Variants in IGSF11 observed in about 807,000 individuals in gnomAD.
IGSF11 encodes the protein immunoglobulin superfamily member 11, also known as CXADR like 1.
In IGSF11, 22 loss-of-function variants were observed where a neutral mutation model predicts 41.0. The ratio of observed to expected loss-of-function variants is 0.54; its 90% confidence interval spans 0.38 to 0.77. The LOEUF (loss-of-function observed/expected upper bound fraction) is 0.77, where lower values mean the gene tolerates loss of function less well. Ranked by LOEUF, IGSF11 falls within the 30% of genes least tolerant of loss-of-function variation. The pLI is 0.00. For missense variants in IGSF11, 444 were observed against 530.8 expected, an observed-to-expected ratio of 0.84 and a Z score of 1.61; for synonymous variants, 219 against 201.3, an observed-to-expected ratio of 1.09 and a Z score of -0.74.
intron 1 of IGSF11, among the ~76,000 whole-genome samples, chr3:119,114,043 G>A (rs564763690): frequency 4.3e-4 from 66 of 152,336 alleles, no homozygotes; most frequent in Non-Finnish European, 5.4e-4. Flanking sequence ...GATGCAAGGA[G>A]CAGTGTCCTG....
At chr3:119,071,544 A>T (rs964942997) in intron 1 of IGSF11, among the ~76,000 whole-genome samples, 2 of 152,270 alleles carry the variant, frequency 1.3e-5, no homozygotes, top group Admixed American at 6.5e-5. Context: ...TAACATTTGG[A>T]TATATAGTTG....
intron 1 of IGSF11, among the ~76,000 whole-genome samples, chr3:119,029,614 GA>G (rs1173382156): frequency 6.6e-6 from 1 of 152,060 alleles, no homozygotes; most frequent in Non-Finnish European, 1.5e-5. Flanking sequence ...CAAGTAAAAA[GA>G]AAAAAGAATC....
At chr3:118,996,700 C>T (rs1022153086) in intron 1 of IGSF11, among the ~76,000 whole-genome samples, 18 of 151,948 alleles carry the variant, frequency 1.2e-4, no homozygotes, top group African/African-American at 3.9e-4. Flanking sequence ...CCCGGGTTCA[C>T]GACATTCTCC....
intron 4 of IGSF11, among the ~76,000 whole-genome samples, chr3:118,924,964 T>A (rs1422926670): frequency 2.6e-5 from 4 of 152,202 alleles, no homozygotes; most frequent in Admixed American, 2.6e-4. Context: ...TCACTTACAA[T>A]GGTGAGATTG....
At chr3:118,970,279 A>G (rs1933237787) in intron 1 of IGSF11, among the ~76,000 whole-genome samples, 1 of 152,188 alleles carries the variant, frequency 6.6e-6, no homozygotes, top group Non-Finnish European at 1.5e-5. Flanking sequence ...AATAATTCCT[A>G]TTTCCAAACA....
intron 1 of IGSF11, among the ~76,000 whole-genome samples, chr3:119,077,197 T>C (rs913419940): frequency 1.3e-5 from 2 of 151,348 alleles, no homozygotes; most frequent in African/African-American, 4.9e-5. Context: ...ATGTTCTCAC[T>C]CATAGGTGGG....
intron 1 of IGSF11, among the ~76,000 whole-genome samples, chr3:118,974,405 C>T (rs543418987): frequency 3.2e-4 from 48 of 152,276 alleles, no homozygotes; most frequent in African/African-American, 1.2e-3. Flanking sequence ...CAATGAGAAT[C>T]ATCACTAATG....
intron 1 of IGSF11, among the ~76,000 whole-genome samples, chr3:119,054,938 G>A (rs144575775): frequency 2.8e-4 from 43 of 152,198 alleles, no homozygotes; most frequent in South Asian, 2.7e-3. Flanking sequence ...AAGTACGGGC[G>A]GACTGACACC....
chr3:118,997,608 C>G (rs560461445), intron 1 of IGSF11, among the ~76,000 whole-genome samples: 2 of 140,088 alleles, frequency 1.4e-5, no homozygotes, highest in South Asian at 4.7e-4. Context: ...ATTAGTTAAT[C>G]ATGAATCTTA....
intron 1 of IGSF11, among the ~76,000 whole-genome samples, chr3:119,136,985 C>T (rs1022288622): frequency 6.6e-6 from 1 of 151,876 alleles, no homozygotes; most frequent in African/African-American, 2.4e-5. Context: ...TTTACAATAA[C>T]TAAAAATAAA....
At chr3:118,988,755 T>G (rs188676949) in intron 1 of IGSF11, among the ~76,000 whole-genome samples, 5 of 152,234 alleles carry the variant, frequency 3.3e-5, no homozygotes, top group Non-Finnish European at 5.9e-5. Flanking sequence ...CTTGCTTCAA[T>G]GGCACTACGA....
intron 1 of IGSF11, among the ~76,000 whole-genome samples, chr3:119,068,447 T>C (rs1029782043): frequency 6.6e-6 from 1 of 152,222 alleles, no homozygotes; most frequent in Non-Finnish European, 1.5e-5. Context: ...TCTTTTAGCT[T>C]CTTTCTTATC....
At chr3:119,094,223 T>TTAAAAAAAAAAAAAAAA (rs1491294473) in intron 1 of IGSF11, among the ~76,000 whole-genome samples, 14 of 35,066 alleles carry the variant, frequency 4.0e-4, no homozygotes, top group Non-Finnish European at 7.9e-4. Flanking sequence ...CATAGCGAAG[T>TTAAAAAAAAAAAAAAAA]AAAAAAAAAA....
In IGSF11 at chr3:118,954,409, A is replaced by G. The variant is rs967563016; in HGVS notation, c.53-24134T>C. ...AAGGCTTTTTTGGGGGGTTCCATAT[A>G]AATTTCCAAGTCTAGTTATTTTGCT... On this transcript the variant is annotated intron_variant, in intron 1 of 6. Coordinates refer to ENST00000393775, the MANE Select transcript of IGSF11 (RefSeq NM_001015887.3). Among the ~76,000 whole-genome samples, 5 of 152,142 alleles carry G rather than the reference A, an allele frequency of 3.3e-5. 1 individual carries two copies. Among genetic ancestry groups the G allele is most frequent in the East Asian group, 1.9e-4 (1 of 5,176 alleles).
chr3:118,935,307 T>TATATATATATATGTATATACACCCTGAG (rs1338135527), intron 1 of IGSF11, among the ~76,000 whole-genome samples: 1 of 141,864 alleles, frequency 7.0e-6, no homozygotes, highest in Non-Finnish European at 1.5e-5. Flanking sequence ...TATACATATA[T>TATATATATATATGTATATACACCCTGAG]ATATATATAT....
intron 1 of IGSF11, 101 bp from the exon 2 acceptor site, chr3:118,930,376 A>T (rs1942751505): frequency 8.6e-7 from 1 of 1,166,588 alleles, no homozygotes; most frequent in Admixed American, 2.6e-5. Context: ...ATTATTATTG[A>T]TTATGTGAAC....
chr3:119,046,207 G>A (rs1434636253), intron 1 of IGSF11, among the ~76,000 whole-genome samples: 1 of 149,442 alleles, frequency 6.7e-6, no homozygotes, highest in Non-Finnish European at 1.5e-5. Flanking sequence ...AGCTACGGGA[G>A]GACATTCAAA....
intron 4 of IGSF11, among the ~76,000 whole-genome samples, chr3:118,911,007 C>T (rs116089036): frequency 7.2e-4 from 109 of 152,200 alleles, no homozygotes; most frequent in African/African-American, 2.6e-3. Context: ...ATATCTGTCT[C>T]CTCCATTAGG....
At chr3:118,953,346 T>C (rs1944716344) in intron 1 of IGSF11, among the ~76,000 whole-genome samples, 2 of 152,260 alleles carry the variant, frequency 1.3e-5, no homozygotes, top group Admixed American at 1.3e-4. Context: ...CAAATTGTGC[T>C]GCTATAAACA....
Sources: allele counts gnomAD v4.1 joint callset (sites outside exome capture counted in the v4.1 genomes callset), GRCh38; gene constraint gnomAD v4.1.1; transcripts MANE v1.5; gene names NCBI Gene and HGNC (gene_info 2026-07-23, HGNC 2026-07-21).